CNTN4: variants seen among roughly 807,000 people sequenced by gnomAD.
The protein encoded by CNTN4 is contactin 4, also known as contactin-4.
CNTN4 carries 77 observed loss-of-function variants against 122.5 expected under a neutral mutation model. That is an observed-to-expected ratio of 0.63 (90% CI 0.52 to 0.76). The LOEUF is 0.76. CNTN4 is among the 30% of genes least tolerant of loss of function. The pLI is 0.00. For missense variants in CNTN4, 1,256 were observed against 1,259.1 expected (o/e 1.00, Z 0.04); for synonymous variants, 512 against 447.0 (o/e 1.15, Z -1.83).
At chr3:2,272,935 C>T (rs576512486) in intron 2 of CNTN4, among the ~76,000 whole-genome samples, 1 of 152,032 alleles carries the variant, frequency 6.6e-6, no homozygotes, top group Non-Finnish European at 1.5e-5. Context: ...CATGTCCTTT[C>T]ATATCTCCTT....
chr3:2,839,987 AGAAGGTCTATGTCTTAAATAG>A (rs2093318005), intron 7 of CNTN4, among the ~76,000 whole-genome samples: 1 of 152,150 alleles, frequency 6.6e-6, no homozygotes, highest in African/African-American at 2.4e-5. Context: ...CTCCTGATTT[AGAAGGTCTATGTCTTAAATAG>A]GAGCCAAGAT....
intron 4 of CNTN4, among the ~76,000 whole-genome samples, chr3:2,680,948 TAAG>T (rs1040147988): frequency 2.0e-4 from 31 of 152,170 alleles, no homozygotes; most frequent in Non-Finnish European, 3.2e-4. Context: ...GGTTGCATAA[TAAG>T]AAAAACAGAT....
At chr3:2,192,012 G>C (rs2037591848) in intron 2 of CNTN4, among the ~76,000 whole-genome samples, 1 of 151,852 alleles carries the variant, frequency 6.6e-6, no homozygotes, top group African/African-American at 2.4e-5. Flanking sequence ...GGTTTGCTGA[G>C]AATGATGGTT....
At chr3:2,287,658 G>T (rs1293967074) in intron 2 of CNTN4, among the ~76,000 whole-genome samples, 2 of 31,896 alleles carry the variant, frequency 6.3e-5, no homozygotes, top group East Asian at 4.8e-4. Context: ...AGAAGAAGAA[G>T]AAGAAGAAGA....
chr3:2,594,984 A>G (rs2080697402), intron 4 of CNTN4, among the ~76,000 whole-genome samples: 1 of 152,240 alleles, frequency 6.6e-6, no homozygotes. Flanking sequence ...CATTGGTCAC[A>G]TTAGTCCCAA....
chr3:2,671,934 T>C (rs2084542071), intron 4 of CNTN4, among the ~76,000 whole-genome samples: 1 of 152,144 alleles, frequency 6.6e-6, no homozygotes, highest in Non-Finnish European at 1.5e-5. Context: ...ACAGCAAATA[T>C]TGCTGAACAG....
At chr3:2,693,583 C>G (rs187309249) in intron 4 of CNTN4, among the ~76,000 whole-genome samples, 3 of 152,076 alleles carry the variant, frequency 2.0e-5, no homozygotes, top group Admixed American at 2.0e-4. Context: ...TCCATCTGGA[C>G]TCTCAGGAAA....
chr3:2,885,461 AC>A (rs1418221564), intron 9 of CNTN4, among the ~76,000 whole-genome samples: 1 of 152,228 alleles, frequency 6.6e-6, no homozygotes, highest in Non-Finnish European at 1.5e-5. Context: ...TATATAAATG[AC>A]AAGGAGAAAA....
At chr3:2,119,757 G>A (rs938747399) in intron 2 of CNTN4, among the ~76,000 whole-genome samples, 2 of 151,184 alleles carry the variant, frequency 1.3e-5, no homozygotes, top group African/African-American at 4.9e-5. Context: ...CTAAGCCGTA[G>A]GACCAAGCTA....
intron 13 of CNTN4, among the ~76,000 whole-genome samples, chr3:2,980,792 A>G (rs964792902): frequency 6.6e-6 from 1 of 152,258 alleles, no homozygotes; most frequent in African/African-American, 2.4e-5. Flanking sequence ...TTTTATAGAC[A>G]GGCTTGAGGA....
At position 2,532,636 on chromosome 3, in the gene CNTN4, A is replaced by C. The variant is rs529917156; in HGVS notation, c.-88-38780A>C. 1.5e-4 allele frequency among the ~76,000 whole-genome samples: 23 copies of C among 152,284 alleles called. No homozygotes were observed. In the South Asian group the frequency reaches 4.6e-3, roughly 30 times the overall value. On this transcript the variant is annotated intron_variant, in intron 3 of 24. Transcript: ENST00000418658. The stretch of plus-strand genomic sequence containing the variant: ...GTTAACTGGAAGAAAAGGAAACCAA[A>C]AACAAATATATTCTACTCTCAAAAA...
chr3:2,148,958 G>A (rs2035375073), intron 2 of CNTN4, among the ~76,000 whole-genome samples: 2 of 152,024 alleles, frequency 1.3e-5, no homozygotes, highest in Admixed American at 6.6e-5. Context: ...GTGTGTGTGT[G>A]TGTGTGTGTG....
chr3:2,823,584 G>A (rs977544809), intron 7 of CNTN4, among the ~76,000 whole-genome samples: 1 of 152,122 alleles, frequency 6.6e-6, no homozygotes, highest in African/African-American at 2.4e-5. Flanking sequence ...GCTATCCTTG[G>A]TGCTCCTTCC....
In CNTN4 at chr3:2,432,114, G is replaced by T. The variant is rs542837590; in HGVS notation, c.-89+92881G>T. ...AGAATATTTTTGTTTCTTCATTTTT[G>T]ATTTACTTACGTAGAAGTGGCCCAA... On this transcript the variant is annotated intron_variant, in intron 3 of 24. Transcript: ENST00000418658. Among the ~76,000 whole-genome samples, 377 of 152,220 alleles carry T rather than the reference G, an allele frequency of 2.5e-3. 1 individual carries two copies. The highest frequency in any genetic ancestry group is 8.6e-3 in the African/African-American group (358 of 41,536).
chr3:2,680,572 T>C (rs913301490), intron 4 of CNTN4, among the ~76,000 whole-genome samples: 1 of 152,182 alleles, frequency 6.6e-6, no homozygotes, highest in Non-Finnish European at 1.5e-5. Flanking sequence ...ATTCTTTATA[T>C]TCAAAATTGT....
chr3:2,890,994 A>G, intron 10 of CNTN4, among the ~76,000 whole-genome samples: 1 of 116,538 alleles, frequency 8.6e-6, no homozygotes, highest in East Asian at 3.4e-4. Context: ...TTACTTGTTT[A>G]ACAAATTTTT....
intron 3 of CNTN4, among the ~76,000 whole-genome samples, chr3:2,352,997 T>C (rs992022791): frequency 1.3e-5 from 2 of 152,096 alleles, no homozygotes; most frequent in African/African-American, 4.8e-5. Context: ...AGCTAAAGGA[T>C]TGTGAATGCA....
chr3:2,559,487 T>A (rs967294925), intron 3 of CNTN4, among the ~76,000 whole-genome samples: 1 of 152,072 alleles, frequency 6.6e-6, no homozygotes, highest in Non-Finnish European at 1.5e-5. Context: ...AATAATCATA[T>A]ACCTGCCTCC....
chr3:2,562,898 A>AT (rs575035430), intron 3 of CNTN4, among the ~76,000 whole-genome samples: 13 of 148,890 alleles, frequency 8.7e-5, no homozygotes, highest in South Asian at 4.3e-4. Flanking sequence ...TAACTTTTAA[A>AT]TTTTTTTTTT....
Sources: allele counts gnomAD v4.1 joint callset (sites outside exome capture counted in the v4.1 genomes callset), GRCh38; gene constraint gnomAD v4.1.1; transcripts MANE v1.5; gene names NCBI Gene and HGNC (gene_info 2026-07-23, HGNC 2026-07-21).